The following KIAA1217 variants were observed in gnomAD, a reference collection of about 807,000 sequenced individuals.
The protein encoded by KIAA1217 is KIAA1217.
In KIAA1217, 88 loss-of-function variants were observed where a neutral mutation model predicts 163.9. That is an observed-to-expected ratio of 0.54 (90% CI 0.45 to 0.64). The LOEUF (loss-of-function observed/expected upper bound fraction) is 0.64. Ranked by LOEUF, KIAA1217 falls within the 30% of genes least tolerant of loss-of-function variation. KIAA1217 has a pLI of 0.00. For synonymous variants in KIAA1217, 903 were observed against 923.1 expected (o/e 0.98, Z 0.39); for missense variants, 2,372 against 2,475.0 (o/e 0.96, Z 0.88).
chr10:23,810,663 TAATC>T (rs1288233755), intron 1 of KIAA1217, among the ~76,000 whole-genome samples: 2 of 129,002 alleles, frequency 1.6e-5, no homozygotes, highest in East Asian at 2.2e-4. Flanking sequence ...TATATATAAT[TAATC>T]TATATATAGT....
chr10:24,262,947 CAAAA>C (rs1170873868), intron 2 of KIAA1217, among the ~76,000 whole-genome samples: 5 of 97,986 alleles, frequency 5.1e-5, no homozygotes, highest in Non-Finnish European at 4.2e-5. Flanking sequence ...GACCCTGTCT[CAAAA>C]AAAAAAAAAA....
chr10:24,223,376 C>G lies in KIAA1217; in HGVS notation c.354+3467C>G, dbSNP rs141187621. ...ACATCATCTCATCTTCTGTCTTTTC[C>G]ACTCTTTTTCTCCTACCACCCATTT... On this transcript the variant is annotated intron_variant, in intron 2 of 20. Transcript: ENST00000376454. 1.7e-3 allele frequency among the ~76,000 whole-genome samples: 255 copies of G among 152,228 alleles called. 1 individual carries two copies. Among genetic ancestry groups the G allele is most frequent in the Non-Finnish European group, 3.0e-3 (202 of 68,014 alleles).
chr10:23,882,114 A>G (rs1227840991), intron 1 of KIAA1217, among the ~76,000 whole-genome samples: 1 of 152,044 alleles, frequency 6.6e-6, no homozygotes, highest in Admixed American at 6.6e-5. Context: ...TTCAAAAACC[A>G]TAAAAACACA....
intron 2 of KIAA1217, among the ~76,000 whole-genome samples, chr10:24,293,927 C>T (rs2079385827): frequency 6.6e-6 from 1 of 152,188 alleles, no homozygotes; most frequent in Admixed American, 6.5e-5. Context: ...GGTGCGGTGG[C>T]TCACGCCTGG....
intron 1 of KIAA1217, among the ~76,000 whole-genome samples, chr10:23,702,978 G>A (rs374240728): frequency 4.0e-5 from 6 of 151,884 alleles, no homozygotes; most frequent in Admixed American, 2.0e-4. Context: ...CGCCCGCCTC[G>A]GCCTCCCAAA....
chr10:24,303,704 A>C (rs1344435350), intron 2 of KIAA1217, among the ~76,000 whole-genome samples: 1 of 152,138 alleles, frequency 6.6e-6, no homozygotes, highest in East Asian at 1.9e-4. Context: ...TTCCTGTTGG[A>C]CGTTGAAGGC....
chr10:23,846,658 T>C (rs1006959888), intron 1 of KIAA1217, among the ~76,000 whole-genome samples: 1 of 152,210 alleles, frequency 6.6e-6, no homozygotes, highest in African/African-American at 2.4e-5. Flanking sequence ...GTTTTCTAAA[T>C]ATATATTCAT....
chr10:23,705,221 T>C (rs1836809802), intron 1 of KIAA1217, among the ~76,000 whole-genome samples: 1 of 152,158 alleles, frequency 6.6e-6, no homozygotes, highest in African/African-American at 2.4e-5. Context: ...TCTCTTCCTG[T>C]AGGTTTTCTT....
intron 1 of KIAA1217, among the ~76,000 whole-genome samples, chr10:23,803,032 G>A (rs938818748): frequency 6.6e-6 from 1 of 152,138 alleles, no homozygotes; most frequent in African/African-American, 2.4e-5. Context: ...AGGAACTGGA[G>A]CCCACTCTCT....
rs192190357 is a variant in KIAA1217 at position 23,955,450 on chromosome 10, C to T, written c.-320-51775C>T. ...ATTGACCCAGCTATGAATGATGCTT[C>T]GCTCCTTTTATCCATCAAAACGTTT... On this transcript the variant is annotated intron_variant, in intron 1 of 18. Transcript: ENST00000376462. Among the ~76,000 whole-genome samples, 116 of 152,302 alleles carry T rather than the reference C, an allele frequency of 7.6e-4. 1 individual carries two copies. Among genetic ancestry groups the T allele is most frequent in the Middle Eastern group, 3.4e-3 (1 of 294 alleles).
intron 1 of KIAA1217, among the ~76,000 whole-genome samples, chr10:23,971,319 G>A (rs1404964322): frequency 1.3e-5 from 2 of 152,202 alleles, no homozygotes; most frequent in East Asian, 3.9e-4. Context: ...CCCAATTCCT[G>A]AGATCTTATT....
Position 23,779,582 on chromosome 10 carries a change from G to A in KIAA1217, c.-321+84348G>A, listed in dbSNP as rs16923833. Among the ~76,000 whole-genome samples the A allele has an allele frequency of 7.4e-3, 1,121 of 152,266 alleles. 20 individuals carry two copies. Among genetic ancestry groups the A allele is most frequent in the African/African-American group, 0.025 (1,035 of 41,536 alleles). On this transcript the variant is annotated intron_variant, in intron 1 of 18. Coordinates refer to the KIAA1217 transcript ENST00000376462. ...AACCCTTGGTATTGAGTAATTGTCAGCACTGTTATTTTACGTTTACCCTGT... is the reference window on the plus strand; with the variant it reads ...AACCCTTGGTATTGAGTAATTGTCAACACTGTTATTTTACGTTTACCCTGT...
chr10:23,793,556 A>G (rs1002267789), intron 1 of KIAA1217, among the ~76,000 whole-genome samples: 7 of 144,194 alleles, frequency 4.9e-5, no homozygotes, highest in Admixed American at 3.3e-4. Flanking sequence ...AAAATGTAGT[A>G]CAATTAAACG....
intron 2 of KIAA1217, among the ~76,000 whole-genome samples, chr10:24,330,160 C>CATA (rs2045475726): frequency 6.6e-6 from 1 of 151,866 alleles, no homozygotes; most frequent in African/African-American, 2.4e-5. Flanking sequence ...ATTAGCCAGG[C>CATA]GTGGTGGCGT....
rs184163730 is a variant in KIAA1217, at chr10:24,545,761, A to G, written c.5335-66A>G. ...TTATTCTCAGAAGGGCTGTGTTGCCAGGCCCTGTGGGTTGATCATGTGACC... is the reference window on the plus strand; with the variant it reads ...TTATTCTCAGAAGGGCTGTGTTGCCGGGCCCTGTGGGTTGATCATGTGACC... On this transcript the variant is annotated intron_variant, in intron 20 of 20. Transcript: ENST00000376454. The G allele has an allele frequency of 1.8e-5, 27 of 1,527,896 alleles. No homozygotes were observed. In the African/African-American group the frequency reaches 3.6e-4, roughly 20 times the overall value. The allele number at this position is 1,527,896 out of a possible 1,614,324, so 94.6% of individuals were successfully genotyped here. A position where few individuals can be genotyped will look rare whatever the true frequency, so the allele number is the denominator to read the frequency against.
intron 1 of KIAA1217, among the ~76,000 whole-genome samples, chr10:23,763,533 A>G (rs1158438232): frequency 4.6e-5 from 7 of 152,190 alleles, no homozygotes; most frequent in Non-Finnish European, 4.4e-5. Context: ...TGCTGAGAAA[A>G]CTAGCTAGCC....
rs751004325 is a variant in KIAA1217, at chr10:24,543,360, G to A, written c.4090G>A (p.Glu1364Lys). 1.2e-6 allele frequency: 2 copies of A among 1,614,198 alleles called. No individual in the cohort carries two copies. Among genetic ancestry groups the A allele is most frequent in the South Asian group, 1.1e-5 (1 of 91,082 alleles). ...EARHANVNPN[E>K]DGESSSSSPT... Reference sequence around the variant, plus strand: ...AAGGCATGCTAACGTGAACCCTAATGAGGATGGAGAATCAAGTTCAAGTTC... The same window carrying A: ...AAGGCATGCTAACGTGAACCCTAATAAGGATGGAGAATCAAGTTCAAGTTC... Residue 1364 changes from glutamate to lysine, a missense_variant, in exon 19 of 21, where the codon GAG becomes AAG. Glu to Lys is a moderately conservative substitution (Grantham distance 56). This residue lies in a region of KIAA1217 where 251 missense variants were observed against 327.3 expected (regional missense o/e 0.77). Transcript: ENST00000376454.
intron 1 of KIAA1217, among the ~76,000 whole-genome samples, chr10:23,697,750 A>G (rs576735178): frequency 6.6e-6 from 1 of 151,498 alleles, no homozygotes; most frequent in Admixed American, 6.6e-5. Flanking sequence ...GGTGATGTGC[A>G]CCTGTGATCC....
chr10:24,424,525 C>A (rs1282556851), intron 3 of KIAA1217, among the ~76,000 whole-genome samples: 2 of 152,210 alleles, frequency 1.3e-5, no homozygotes, highest in Non-Finnish European at 2.9e-5. Context: ...TTAATGAAGC[C>A]ATTTCTACCG....
Sources: allele counts gnomAD v4.1 joint callset (sites outside exome capture counted in the v4.1 genomes callset), GRCh38; gene constraint gnomAD v4.1.1; regional missense constraint gnomAD v4.1.1; transcripts MANE v1.5; gene names NCBI Gene and HGNC (gene_info 2026-07-23, HGNC 2026-07-21).